Variants in FAM219A observed in about 807,000 individuals in gnomAD.
The protein encoded by FAM219A is family with sequence similarity 219 member A, also known as protein FAM219A.
FAM219A carries 7 observed loss-of-function variants against 23.4 expected under a neutral mutation model. The ratio of observed to expected loss-of-function variants is 0.30; its 90% CI spans 0.17 to 0.56. The LOEUF is 0.56. Ranked by LOEUF, FAM219A falls within the 20% of genes least tolerant of loss-of-function variation. The pLI is 0.92. For synonymous variants in FAM219A, 93 were observed against 99.0 expected (o/e 0.94, Z 0.36); for missense variants, 166 against 246.9 (o/e 0.67, Z 2.20).
At position 34,431,820 on chromosome 9, in the gene FAM219A, A is replaced by C. The variant is rs34121440; in HGVS notation, c.61-25856T>G. 4.9e-3 allele frequency among the ~76,000 whole-genome samples: 746 copies of C among 152,350 alleles called. 3 individuals carry two copies. Among genetic ancestry groups the C allele is most frequent in the Non-Finnish European group, 5.4e-3 (364 of 68,020 alleles). On this transcript the variant is annotated intron_variant, in intron 1 of 5. Transcript: ENST00000651358. ...GGAAAAAAATAAACTTACTCCTACT[A>C]TCTAGAGCTATCCAGTGTTAACCTC... is the stretch of plus-strand genomic sequence containing the variant.
intron 1 of FAM219A, among the ~76,000 whole-genome samples, chr9:34,430,063 C>T (rs1822632922): frequency 6.6e-6 from 1 of 152,174 alleles, no homozygotes; most frequent in Non-Finnish European, 1.5e-5. Flanking sequence ...AAGCTTACTT[C>T]ACCTTCAGAG....
At chr9:34,439,750 G>A (rs567332347) in intron 1 of FAM219A, among the ~76,000 whole-genome samples, 73 of 152,296 alleles carry the variant, frequency 4.8e-4, no homozygotes, top group African/African-American at 1.6e-3. Flanking sequence ...GATGCTGAAT[G>A]TAGTGACTGG....
intron 2 of FAM219A, 52 bp from the exon 3 acceptor site, chr9:34,402,859 T>C: frequency 6.4e-7 from 1 of 1,558,144 alleles, no homozygotes; most frequent in Non-Finnish European, 8.8e-7. Flanking sequence ...GGCCACCCTG[T>C]CTTACTACTC....
At chr9:34,454,088 C>T (rs1308891966) in intron 1 of FAM219A, among the ~76,000 whole-genome samples, 3 of 152,184 alleles carry the variant, frequency 2.0e-5, no homozygotes, top group Admixed American at 1.3e-4. Flanking sequence ...AAGATAGATA[C>T]AGCAGGAATG....
At chr9:34,447,297 A>G (rs1427948547) in intron 1 of FAM219A, among the ~76,000 whole-genome samples, 3 of 152,234 alleles carry the variant, frequency 2.0e-5, no homozygotes, top group Non-Finnish European at 2.9e-5. Context: ...AGTTCAATAT[A>G]ACAATAGGTA....
chr9:34,419,647 C>T (rs1286617173), intron 1 of FAM219A, among the ~76,000 whole-genome samples: 1 of 152,194 alleles, frequency 6.6e-6, no homozygotes, highest in African/African-American at 2.4e-5. Context: ...TGACATTTGT[C>T]TGGGCCAGAT....
chr9:34,410,685 G>A (rs886957057), intron 1 of FAM219A, among the ~76,000 whole-genome samples: 1 of 152,166 alleles, frequency 6.6e-6, no homozygotes, highest in Non-Finnish European at 1.5e-5. Context: ...CTCACTCTCA[G>A]TGCCAAGGGG....
intron 1 of FAM219A, among the ~76,000 whole-genome samples, chr9:34,412,979 C>T (rs1821877320): frequency 6.6e-6 from 1 of 152,120 alleles, no homozygotes. Flanking sequence ...CCAGAGAGAG[C>T]TTTAGAGTTC....
chr9:34,437,130 A>G (rs768051484), intron 1 of FAM219A, among the ~76,000 whole-genome samples: 31 of 152,156 alleles, frequency 2.0e-4, no homozygotes, highest in Non-Finnish European at 1.5e-4. Context: ...CTTGAAGCCA[A>G]TTTCCGGGGC....
rs1032735460 is a variant in FAM219A, at chr9:34,457,734, C to G, written c.60+470G>C. Reference sequence around the variant, plus strand: ...CCAGCGTTCCTGTCCGTATATCCAGCGGACAGGCGGGCAAGCCCCTCCTCT... The same window carrying G: ...CCAGCGTTCCTGTCCGTATATCCAGGGGACAGGCGGGCAAGCCCCTCCTCT... On this transcript the variant is annotated intron_variant, in intron 1 of 5. Transcript: ENST00000651358. This position sits in a 1 kb window ranked among gnomAD's most constrained non-coding sequence, Gnocchi z 5.1. Among the ~76,000 whole-genome samples the G allele has an allele frequency of 6.6e-6, 1 of 152,198 alleles. No individual in the cohort carries two copies. Among genetic ancestry groups the G allele is most frequent in the African/African-American group, 2.4e-5 (1 of 41,460 alleles).
intron 1 of FAM219A, among the ~76,000 whole-genome samples, chr9:34,431,408 G>C (rs1822695168): frequency 6.6e-6 from 1 of 152,170 alleles, no homozygotes; most frequent in African/African-American, 2.4e-5. Context: ...ATGCATGCCA[G>C]ATTCTCCTCC....
At chr9:34,422,792 C>A (rs989035876) in intron 1 of FAM219A, among the ~76,000 whole-genome samples, 12 of 152,134 alleles carry the variant, frequency 7.9e-5, no homozygotes, top group African/African-American at 2.7e-4. Context: ...ATGAAAGGGG[C>A]CTTAGCCACC....
chr9:34,405,447 G>A (rs1821599071), intron 2 of FAM219A, among the ~76,000 whole-genome samples: 1 of 152,210 alleles, frequency 6.6e-6, no homozygotes, highest in South Asian at 2.1e-4. Flanking sequence ...GGCTGAGATT[G>A]TAATCGGGAG....
intron 1 of FAM219A, among the ~76,000 whole-genome samples, chr9:34,451,853 T>C (rs1279175349): frequency 6.6e-6 from 1 of 152,156 alleles, no homozygotes; most frequent in Admixed American, 6.5e-5. Flanking sequence ...AACTGCAGCT[T>C]TTCAGGCTGG....
At chr9:34,432,843 TA>T (rs150992397) in intron 1 of FAM219A, among the ~76,000 whole-genome samples, 1,655 of 152,320 alleles carry the variant, frequency 0.011, 28 homozygotes, top group Non-Finnish European at 0.016. Flanking sequence ...GGTATCATTT[TA>T]AAAACAATTA....
intron 1 of FAM219A, among the ~76,000 whole-genome samples, chr9:34,407,747 G>A (rs1316452244): frequency 1.3e-5 from 2 of 152,248 alleles, no homozygotes; most frequent in Non-Finnish European, 2.9e-5. Flanking sequence ...GAGGAGTGCA[G>A]AGGGGATCCA....
Position 34,451,414 on chromosome 9 carries a change from G to A in FAM219A, c.60+6790C>T, listed in dbSNP as rs76978343. On this transcript the variant is annotated intron_variant, in intron 1 of 5. Coordinates refer to ENST00000651358, the MANE Select transcript of FAM219A (RefSeq NM_001184940.2). The stretch of plus-strand genomic sequence containing the variant: ...TAGCTTCCTTCAACCAGCACCTCTG[G>A]TTATCTGCCTCAGCCCAATTCTCCC... Among the ~76,000 whole-genome samples the A allele has an allele frequency of 3.3e-3, 504 of 152,222 alleles. 2 individuals are homozygous for A. Among genetic ancestry groups the A allele is most frequent in the African/African-American group, 0.011 (474 of 41,516 alleles).
At position 34,417,511 on chromosome 9, in the gene FAM219A, A is replaced by G. The variant is rs1190050565; in HGVS notation, c.61-11547T>C. ...GATAATGCTACACTGAAATCCACAT[A>G]TATTTACATTTAGGATCATTTCCTA... On this transcript the variant is annotated intron_variant, in intron 1 of 5. Coordinates refer to ENST00000651358, the MANE Select transcript of FAM219A (RefSeq NM_001184940.2). This position sits in a 1 kb window ranked among gnomAD's most constrained non-coding sequence, Gnocchi z 4.1. Among the ~76,000 whole-genome samples, 1 of 152,220 alleles carries G rather than the reference A, an allele frequency of 6.6e-6. No individual in the cohort carries two copies. Among genetic ancestry groups the G allele is most frequent in the Non-Finnish European group, 1.5e-5 (1 of 68,036 alleles).
chr9:34,445,048 C>T (rs1157216034), intron 1 of FAM219A, among the ~76,000 whole-genome samples: 3 of 152,110 alleles, frequency 2.0e-5, no homozygotes, highest in Non-Finnish European at 4.4e-5. Flanking sequence ...ATGTCCCATC[C>T]CTGTATTCCC....
Sources: gnomAD v4.1 joint callset for allele counts (sites outside exome capture counted in the v4.1 genomes callset) on GRCh38, gnomAD v4.1.1 for gene constraint, Gnocchi (gnomAD v3.1) non-coding constraint, MANE v1.5 for transcripts, NCBI Gene and HGNC (gene_info 2026-07-23, HGNC 2026-07-21) for gene names.